PDE10A: variants seen among roughly 807,000 people sequenced by gnomAD.
The protein encoded by PDE10A is phosphodiesterase 10A, also known as cAMP and cAMP-inhibited cGMP 3',5'-cyclic phosphodiesterase 10A.
PDE10A carries 39 observed loss-of-function variants against 97.7 expected under a neutral mutation model. The ratio of observed to expected loss-of-function variants is 0.40; its 90% confidence interval spans 0.31 to 0.52. PDE10A has a LOEUF of 0.52. Among genes scored for constraint, PDE10A ranks in the 20% least tolerant of loss-of-function variants. The pLI is 0.56. For synonymous variants in PDE10A, 371 were observed against 376.8 expected, an observed-to-expected ratio of 0.98 and a Z score of 0.18; for missense variants, 731 against 1,047.8, an observed-to-expected ratio of 0.70 and a Z score of 4.17.
intron 1 of PDE10A, among the ~76,000 whole-genome samples, chr6:165,578,760 C>T (rs943801): frequency 0.64 from 98,001 of 152,114 alleles, 35,086 homozygotes; most frequent in East Asian, 0.83. Context: ...GTGTCCCAAC[C>T]GCCCAAAAGT....
chr6:165,478,006 A>G (rs1228724057), intron 3 of PDE10A, among the ~76,000 whole-genome samples: 2 of 152,150 alleles, frequency 1.3e-5, no homozygotes, highest in Admixed American at 1.3e-4. Context: ...GCTCTCTAAG[A>G]AGTGTCACCT....
intron 1 of PDE10A, among the ~76,000 whole-genome samples, chr6:165,633,734 T>C (rs1350287018): frequency 1.3e-5 from 2 of 151,286 alleles, no homozygotes; most frequent in African/African-American, 4.9e-5. Flanking sequence ...TTCAAGCAAT[T>C]CTCATGCCTC....
chr6:165,609,449 A>T (rs998235742), intron 1 of PDE10A, among the ~76,000 whole-genome samples: 2 of 152,240 alleles, frequency 1.3e-5, no homozygotes, highest in Non-Finnish European at 1.5e-5. Context: ...AACTGGCACA[A>T]GACAGGGATG....
chr6:165,797,142 T>G (rs1443312092), intron 1 of PDE10A, among the ~76,000 whole-genome samples: 1 of 152,230 alleles, frequency 6.6e-6, no homozygotes, highest in Admixed American at 6.5e-5. Context: ...GGCGATGGAG[T>G]TCAGATGACG....
At chr6:165,656,467 C>A (rs918781042) in intron 1 of PDE10A, among the ~76,000 whole-genome samples, 3 of 151,808 alleles carry the variant, frequency 2.0e-5, no homozygotes, top group African/African-American at 7.3e-5. Context: ...GAGGACTCTG[C>A]CACCAAGATC....
chr6:165,679,411 A>G (rs1177255158), intron 1 of PDE10A, among the ~76,000 whole-genome samples: 2 of 152,224 alleles, frequency 1.3e-5, no homozygotes, highest in Non-Finnish European at 2.9e-5. Flanking sequence ...TGCCAAGCCC[A>G]GAGAAGGATT....
intron 1 of PDE10A, among the ~76,000 whole-genome samples, chr6:165,613,293 G>A (rs1441267522): frequency 1.3e-5 from 2 of 152,048 alleles, no homozygotes; most frequent in Non-Finnish European, 2.9e-5. Context: ...TGATAATCAA[G>A]AAATTGCCTG....
At chr6:165,420,925 G>C (rs763318215) in intron 10 of PDE10A, among the ~76,000 whole-genome samples, 1 of 151,886 alleles carries the variant, frequency 6.6e-6, no homozygotes, top group Non-Finnish European at 1.5e-5. Flanking sequence ...AACTGACAAA[G>C]AAACTATAAA....
intron 1 of PDE10A, among the ~76,000 whole-genome samples, chr6:165,905,826 A>G (rs1045478411): frequency 5.9e-5 from 9 of 152,138 alleles, no homozygotes; most frequent in African/African-American, 2.2e-4. Context: ...CCCAGATGTC[A>G]GGTTTAAAAA....
chr6:165,400,086 G>A (rs141302770), intron 13 of PDE10A, among the ~76,000 whole-genome samples: 5 of 152,234 alleles, frequency 3.3e-5, no homozygotes, highest in South Asian at 2.1e-4. Flanking sequence ...AAGGATAGTC[G>A]ATTCAGCAAG....
chr6:165,433,807 A>AGATC (rs1168448085), intron 6 of PDE10A, among the ~76,000 whole-genome samples: 3 of 152,188 alleles, frequency 2.0e-5, no homozygotes, highest in African/African-American at 7.2e-5. Context: ...CGAGGTCAGG[A>AGATC]GATCGAGACC....
chr6:165,706,325 G>T lies in PDE10A; in HGVS notation c.-614-162757C>A, dbSNP rs767376543. 1.4e-4 allele frequency among the ~76,000 whole-genome samples: 22 copies of T among 152,168 alleles called. 1 individual carries two copies. The highest frequency in any genetic ancestry group is 3.1e-4 in the Non-Finnish European group (21 of 68,018). ...TACTAAGCCAGCTTCTGATGATGAC[G>T]GTTTTGGCTTCCTAGATATCTCAGT... On this transcript the variant is annotated intron_variant, in intron 1 of 19. Coordinates refer to the PDE10A transcript ENST00000366882.
intron 1 of PDE10A, among the ~76,000 whole-genome samples, chr6:165,604,087 T>C (rs1049253915): frequency 6.6e-6 from 1 of 152,238 alleles, no homozygotes; most frequent in African/African-American, 2.4e-5. Context: ...GGCCTTCCTC[T>C]GCCACCAAGT....
Position 165,770,630 on chromosome 6 carries a change from T to C in PDE10A, c.-615+216899A>G, listed in dbSNP as rs758000497. On this transcript the variant is annotated intron_variant, in intron 1 of 19. Transcript: ENST00000366882. ...CGCATCAGCCTGCAGCCCTCCATTC[T>C]GCCTGGGGAGCGACTCAAGAACGCC... 1.4e-4 allele frequency among the ~76,000 whole-genome samples: 21 copies of C among 152,208 alleles called. No individual in the cohort carries two copies. In the South Asian group the frequency reaches 2.9e-3, roughly 21 times the overall value.
chr6:165,542,290 A>T (rs1783485721), intron 2 of PDE10A, among the ~76,000 whole-genome samples: 1 of 152,192 alleles, frequency 6.6e-6, no homozygotes, highest in Non-Finnish European at 1.5e-5. Flanking sequence ...CAAAATAAAA[A>T]TTATGCAATA....
chr6:165,830,838 T>C (rs1779890122), intron 1 of PDE10A, among the ~76,000 whole-genome samples: 1 of 152,216 alleles, frequency 6.6e-6, no homozygotes, highest in South Asian at 2.1e-4. Flanking sequence ...TGTGAATGGA[T>C]AATTCCAACG....
intron 1 of PDE10A, among the ~76,000 whole-genome samples, chr6:165,921,966 G>A (rs1782765372): frequency 6.6e-6 from 1 of 152,182 alleles, no homozygotes; most frequent in Admixed American, 6.5e-5. Flanking sequence ...GGCCAGTTGA[G>A]AGAAGCAAGC....
intron 1 of PDE10A, among the ~76,000 whole-genome samples, chr6:165,558,443 G>A (rs906917058): frequency 2.0e-5 from 3 of 152,060 alleles, no homozygotes; most frequent in Admixed American, 6.6e-5. Flanking sequence ...ATCACACACC[G>A]GGGCCTGTCG....
intron 1 of PDE10A, among the ~76,000 whole-genome samples, chr6:165,982,675 T>C (rs968956871): frequency 1.5e-4 from 23 of 152,208 alleles, no homozygotes; most frequent in African/African-American, 5.5e-4. Context: ...GAAAAAAGAC[T>C]AATATAAAAA....
Sources: gnomAD v4.1 joint callset for allele counts (sites outside exome capture counted in the v4.1 genomes callset) on GRCh38, gnomAD v4.1.1 for gene constraint, MANE v1.5 for transcripts, NCBI Gene and HGNC (gene_info 2026-07-23, HGNC 2026-07-21) for gene names.